The following RNF180 variants were observed in gnomAD, a reference collection of about 807,000 sequenced individuals.
The protein encoded by RNF180 is E3 ubiquitin-protein ligase RNF180.
RNF180 carries 38 observed loss-of-function variants against 59.2 expected under a neutral mutation model. The ratio of observed to expected loss-of-function variants is 0.64; its 90% CI spans 0.50 to 0.84. The LOEUF is 0.84. Among genes scored for constraint, RNF180 ranks in the 40% least tolerant of loss-of-function variants. RNF180 has a pLI of 0.00. For missense variants in RNF180, 705 were observed against 700.9 expected, an observed-to-expected ratio of 1.01 and a Z score of -0.07; for synonymous variants, 262 against 240.3, an observed-to-expected ratio of 1.09 and a Z score of -0.84.
At chr5:64,268,736 G>A (rs1744833171) in intron 5 of RNF180, among the ~76,000 whole-genome samples, 1 of 152,080 alleles carries the variant, frequency 6.6e-6, no homozygotes, top group Admixed American at 6.6e-5. Flanking sequence ...CTACAGTGCT[G>A]CAGCCAAAAA....
intron 5 of RNF180, among the ~76,000 whole-genome samples, chr5:64,287,231 C>G (rs1222678943): frequency 6.6e-6 from 1 of 152,150 alleles, no homozygotes; most frequent in Non-Finnish European, 1.5e-5. Context: ...TCCCAAAGTG[C>G]TGGGATTACA....
chr5:64,175,517 A>G (rs147829190), intron 1 of RNF180, among the ~76,000 whole-genome samples: 2 of 152,008 alleles, frequency 1.3e-5, no homozygotes, highest in Admixed American at 6.6e-5. Flanking sequence ...TTTGATTACT[A>G]TAGTTTTGTA....
intron 5 of RNF180, among the ~76,000 whole-genome samples, chr5:64,228,170 A>G (rs1741888692): frequency 6.6e-6 from 1 of 152,228 alleles, no homozygotes; most frequent in East Asian, 1.9e-4. Context: ...AAGCAATATA[A>G]TAGTGTCAGA....
intron 5 of RNF180, among the ~76,000 whole-genome samples, chr5:64,287,247 G>A (rs1216023856): frequency 6.6e-6 from 1 of 152,110 alleles, no homozygotes; most frequent in Non-Finnish European, 1.5e-5. Flanking sequence ...TTACAGACGT[G>A]AGCCACCGTG....
chr5:64,308,843 C>T (rs1325051698), intron 5 of RNF180, among the ~76,000 whole-genome samples: 1 of 151,718 alleles, frequency 6.6e-6, no homozygotes, highest in African/African-American at 2.4e-5. Flanking sequence ...GAATATTAAA[C>T]TTCACTTTTT....
At chr5:64,352,366 T>G (rs1272253588) in intron 7 of RNF180, among the ~76,000 whole-genome samples, 1 of 152,236 alleles carries the variant, frequency 6.6e-6, no homozygotes, top group South Asian at 2.1e-4. Flanking sequence ...CCTGGATTCA[T>G]TGATTTTTTG....
At position 64,300,310 on chromosome 5, in the gene RNF180, A is replaced by G. The variant is rs533412074; in HGVS notation, c.1228-24876A>G. 3.9e-5 allele frequency among the ~76,000 whole-genome samples: 6 copies of G among 151,962 alleles called. No homozygotes were observed. The East Asian group carries it at 1.2e-3, about 29-fold the overall frequency. On this transcript the variant is annotated intron_variant, in intron 5 of 7. Transcript: ENST00000389100. ...ACCTCAAATTGCGAAAGTTAAACCC[A>G]CAATGCTTAAGTACTTCCACAGACA...
chr5:64,298,897 C>T (rs905096393), intron 5 of RNF180, among the ~76,000 whole-genome samples: 4 of 151,962 alleles, frequency 2.6e-5, no homozygotes, highest in African/African-American at 9.7e-5. Context: ...AGCTAAACTC[C>T]CTATTGATTT....
At chr5:64,276,391 GTT>G (rs1491396913) in intron 5 of RNF180, among the ~76,000 whole-genome samples, 3 of 150,522 alleles carry the variant, frequency 2.0e-5, no homozygotes, top group African/African-American at 7.3e-5. Context: ...GTGTGTGTGT[GTT>G]TATTTATTTT....
chr5:64,321,590 G>T lies in RNF180; in HGVS notation c.1228-3596G>T, dbSNP rs904557764. ...TCAGTATCATGAAAATGGCCATACT[G>T]CCCAAAGTAATTTATAGATTCAATG... On this transcript the variant is annotated intron_variant, in intron 5 of 7. Transcript: ENST00000389100. 3.2e-4 allele frequency among the ~76,000 whole-genome samples: 49 copies of T among 152,176 alleles called. 1 individual carries two copies. The highest frequency in any genetic ancestry group is 2.9e-3 in the Admixed American group (45 of 15,280).
At chr5:64,252,018 A>C (rs545573364) in intron 5 of RNF180, among the ~76,000 whole-genome samples, 1 of 152,296 alleles carries the variant, frequency 6.6e-6, no homozygotes, top group South Asian at 2.1e-4. Flanking sequence ...TGTTCTATAG[A>C]TTTCACAAAA....
At chr5:64,354,475 A>G (rs1745938166) in intron 7 of RNF180, among the ~76,000 whole-genome samples, 1 of 151,896 alleles carries the variant, frequency 6.6e-6, no homozygotes, top group African/African-American at 2.4e-5. Flanking sequence ...CCCAAGAAAG[A>G]AAAGTCCAGG....
rs150083167 is a variant in RNF180, at chr5:64,201,250, T to C, written c.135+308T>C. ...AATAGTCAATGTTTTTTATTCCCAC[T>C]ATGAGTGAGCCTCAGTAATCACTGC... On this transcript the variant is annotated intron_variant, in intron 2 of 7. Coordinates refer to ENST00000389100, the MANE Select transcript of RNF180 (RefSeq NM_001113561.2). 2.3e-3 allele frequency among the ~76,000 whole-genome samples: 348 copies of C among 152,344 alleles called. 2 individuals are homozygous for C. The highest frequency in any genetic ancestry group is 7.7e-3 in the African/African-American group (320 of 41,584).
intron 7 of RNF180, among the ~76,000 whole-genome samples, chr5:64,339,086 C>A (rs1182269527): frequency 1.3e-5 from 2 of 150,956 alleles, no homozygotes; most frequent in African/African-American, 4.9e-5. Flanking sequence ...TTTAATCTGT[C>A]TTGTATATCT....
At chr5:64,367,995 G>T (rs1746515874) in intron 7 of RNF180, among the ~76,000 whole-genome samples, 1 of 151,684 alleles carries the variant, frequency 6.6e-6, no homozygotes, top group Admixed American at 6.6e-5. Context: ...TTGCTATTGA[G>T]CAGGTTTTTT....
chr5:64,324,890 G>A (rs1744558184), intron 5 of RNF180, among the ~76,000 whole-genome samples: 1 of 152,078 alleles, frequency 6.6e-6, no homozygotes, highest in African/African-American at 2.4e-5. Context: ...TCTGGGACTG[G>A]TACACCTAAC....
chr5:64,317,628 A>G (rs1430123276), intron 5 of RNF180, among the ~76,000 whole-genome samples: 1 of 81,136 alleles, frequency 1.2e-5, no homozygotes, highest in Non-Finnish European at 2.6e-5. Flanking sequence ...ATATATACAC[A>G]CACACACACA....
At chr5:64,279,345 A>G (rs141874602) in intron 5 of RNF180, among the ~76,000 whole-genome samples, 1,653 of 152,280 alleles carry the variant, frequency 0.011, 8 homozygotes, top group Non-Finnish European at 0.017. Flanking sequence ...GGGAAAGAAT[A>G]GACAGAAGTG....
chr5:64,230,239 T>G (rs542415644), intron 5 of RNF180, among the ~76,000 whole-genome samples: 1 of 152,370 alleles, frequency 6.6e-6, no homozygotes, highest in East Asian at 1.9e-4. Flanking sequence ...GTTCATTTGC[T>G]ATTGCCACTG....
Sources: allele counts gnomAD v4.1 joint callset (sites outside exome capture counted in the v4.1 genomes callset), GRCh38; gene constraint gnomAD v4.1.1; transcripts MANE v1.5; gene names NCBI Gene and HGNC (gene_info 2026-07-23, HGNC 2026-07-21).